RAB11B: variants seen among roughly 807,000 people sequenced by gnomAD.
RAB11B encodes RAB11B, member RAS oncogene family.
In RAB11B, 7 loss-of-function variants were observed where a neutral mutation model predicts 23.7. The ratio of observed to expected loss-of-function variants is 0.29; its 90% confidence interval spans 0.17 to 0.55. The LOEUF is 0.55. Ranked by LOEUF, RAB11B falls within the 20% of genes least tolerant of loss-of-function variation. The pLI, the probability that RAB11B is intolerant of heterozygous loss-of-function variation, is 0.93. For missense variants in RAB11B, 189 were observed against 320.0 expected, an observed-to-expected ratio of 0.59 and a Z score of 3.12; for synonymous variants, 138 against 132.0, an observed-to-expected ratio of 1.05 and a Z score of -0.31.
chr19:8,402,652 TGC>T (rs376443505), intron 4 of RAB11B, 87 bp downstream of exon 4: 1 of 986,142 alleles, frequency 1.0e-6, no homozygotes, highest in Non-Finnish European at 1.6e-6. Context: ...TTTGTTCGTT[TGC>T]TTGTTTTTTT....
In RAB11B at chr19:8,392,685, C is replaced by CTTTTTTT. The variant is rs74176644; in HGVS notation, c.40+2245_40+2251dup. On this transcript the variant is annotated intron_variant, in intron 1 of 4. Coordinates refer to ENST00000328024, the MANE Select transcript of RAB11B (RefSeq NM_004218.4). ...ATATTTTTCTTTTCCTTTTTCTTTT[C>CTTTTTTT]TTTTTTTTTTTTTTTTTTTTTTGAG... 2.4e-3 allele frequency among the ~76,000 whole-genome samples: 189 copies of CTTTTTTT among 79,652 alleles called. 1 individual carries two copies. Among genetic ancestry groups the CTTTTTTT allele is most frequent in the South Asian group, 3.5e-3 (7 of 2,008 alleles). 52.3% of individuals were successfully genotyped at this position (79,652 alleles called of 152,430 possible).
chr19:8,392,206 A>G (rs1301127317), intron 1 of RAB11B, among the ~76,000 whole-genome samples: 2 of 151,730 alleles, frequency 1.3e-5, no homozygotes, highest in African/African-American at 4.8e-5. Flanking sequence ...TGCCCCATCC[A>G]GGTTTCTGTG....
chr19:8,401,067 ATTAAT>A (rs1399918392), intron 2 of RAB11B, among the ~76,000 whole-genome samples: 8 of 150,312 alleles, frequency 5.3e-5, no homozygotes, highest in Admixed American at 3.3e-4. Flanking sequence ...AATTTAATTA[ATTAAT>A]TTATTTATTT....
chr19:8,392,975 C>T (rs1271851202), intron 1 of RAB11B, among the ~76,000 whole-genome samples: 3 of 146,736 alleles, frequency 2.0e-5, no homozygotes, highest in South Asian at 2.2e-4. Context: ...CATGAGCCAC[C>T]GTGCCTGGCC....
chr19:8,402,293 G>A lies in RAB11B; in HGVS notation c.430+14G>A. On this transcript the variant is annotated intron_variant, in intron 3 of 4. Transcript: ENST00000328024. ...GCGCCTTCGCAGGTGAGCAGACGGAGACGCAGGCATCAGAGAGGTGTCTGG... is the reference window on the plus strand; with the variant it reads ...GCGCCTTCGCAGGTGAGCAGACGGAAACGCAGGCATCAGAGAGGTGTCTGG... The A allele has an allele frequency of 1.9e-6, 3 of 1,548,280 alleles. No homozygotes were observed. The South Asian group carries it at 3.5e-5, about 18-fold the overall frequency.
At chr19:8,395,931 C>A (rs1256586598) in intron 1 of RAB11B, among the ~76,000 whole-genome samples, 1 of 152,198 alleles carries the variant, frequency 6.6e-6, no homozygotes, top group Non-Finnish European at 1.5e-5. Flanking sequence ...GCCTGGCTCA[C>A]TTCCCAGGCG....
chr19:8,392,681 T>G (rs1189806913), intron 1 of RAB11B, among the ~76,000 whole-genome samples: 1 of 101,652 alleles, frequency 9.8e-6, no homozygotes, highest in African/African-American at 3.8e-5. Context: ...TTCCTTTTTC[T>G]TTTCTTTTTT....
chr19:8,393,200 G>C (rs1409705740), intron 1 of RAB11B, among the ~76,000 whole-genome samples: 1 of 152,086 alleles, frequency 6.6e-6, no homozygotes, highest in African/African-American at 2.4e-5. Flanking sequence ...TTAGCCATGG[G>C]CCATTTTCAT....
At position 8,399,984 on chromosome 19, in the gene RAB11B, G is replaced by A. The variant is rs760153019; in HGVS notation, c.162G>A (p.Gln54=). The A allele has an allele frequency of 2.5e-6, 4 of 1,614,216 alleles. No homozygotes were observed. Among genetic ancestry groups the A allele is most frequent in the Non-Finnish European group, 3.4e-6 (4 of 1,180,022 alleles). The change falls in exon 2 of 5, where the codon CAG becomes CAA. Residue 54 remains glutamine (Q), a synonymous_variant. Coordinates refer to ENST00000328024, the MANE Select transcript of RAB11B (RefSeq NM_004218.4). The stretch of plus-strand genomic sequence containing the variant: ...TGGAGTTCGCCACCCGCAGCATCCA[G>A]GTGGACGGCAAGACCATCAAGGCGC... The part of the protein sequence containing the change: ...IGVEFATRSI[Q]VDGKTIKAQI...
At chr19:8,397,345 G>A (rs1283987518) in intron 1 of RAB11B, among the ~76,000 whole-genome samples, 1 of 152,122 alleles carries the variant, frequency 6.6e-6, no homozygotes. Context: ...GACTGGGTGT[G>A]GACAGAGATG....
chr19:8,402,395 T>C, intron 3 of RAB11B, 90 bp from the exon 4 acceptor site: 1 of 1,549,010 alleles, frequency 6.5e-7, no homozygotes, highest in Non-Finnish European at 8.8e-7. Flanking sequence ...GGCCTTGGGA[T>C]GGGCCAGGTG....
At chr19:8,400,392 A>T in intron 2 of RAB11B, 1 of 352,832 alleles carries the variant, frequency 2.8e-6, no homozygotes, top group Non-Finnish European at 5.4e-6. Flanking sequence ...ACCTGGTCCC[A>T]CACGCCTCCT....
rs1342650519 is a variant in RAB11B at position 8,399,998 on chromosome 19, C to A, written c.176C>A (p.Thr59Asn). The A allele has an allele frequency of 6.2e-7, 1 of 1,614,198 alleles. No individual in the cohort carries two copies. The highest frequency in any genetic ancestry group is 1.7e-5 in the Admixed American group (1 of 60,032). Residue 59 changes from threonine (T) to asparagine (N), a missense_variant, in exon 2 of 5, where the codon ACC becomes AAC. Coordinates refer to ENST00000328024, the MANE Select transcript of RAB11B (RefSeq NM_004218.4). The stretch of plus-strand genomic sequence containing the variant: ...CGCAGCATCCAGGTGGACGGCAAGA[C>A]CATCAAGGCGCAGATCTGGGACACC... ...ATRSIQVDGK[T>N]IKAQIWDTAG...
chr19:8,402,878 A>T, intron 4 of RAB11B: 2 of 506,014 alleles, frequency 4.0e-6, no homozygotes, highest in South Asian at 5.2e-5. Flanking sequence ...GTCCAGGTTG[A>T]TCTCGAACTC....
chr19:8,404,118 T>TC lies in RAB11B; in HGVS notation c.*564dup, dbSNP rs1971461605. On this transcript the variant is annotated 3_prime_UTR_variant, in exon 5 of 5. Coordinates refer to ENST00000328024, the MANE Select transcript of RAB11B (RefSeq NM_004218.4). Reference sequence around the variant, plus strand: ...GCAGGGAGAAGCCCGTCCCCCCCTCTCCCCTCTCCCCTCCCCTCTCCTGCA... The same window carrying TC: ...GCAGGGAGAAGCCCGTCCCCCCCTCTCCCCCTCTCCCCTCCCCTCTCCTGCA... The TC allele has an allele frequency of 8.2e-6, 1 of 121,356 alleles. No homozygotes were observed. The highest frequency in any genetic ancestry group is 2.6e-4 in the East Asian group (1 of 3,912). 7.5% of individuals were successfully genotyped at this position (121,356 alleles called of 1,614,324 possible).
At chr19:8,394,001 G>A (rs529200420) in intron 1 of RAB11B, among the ~76,000 whole-genome samples, 30 of 152,334 alleles carry the variant, frequency 2.0e-4, no homozygotes, top group Admixed American at 5.2e-4. Flanking sequence ...GGAAATGCTC[G>A]GAGCTGTGTC....
In RAB11B at chr19:8,390,365, G is replaced by A; in HGVS notation, c.-52G>A. On this transcript the variant is annotated 5_prime_UTR_variant, in exon 1 of 5. It adds an upstream start codon to the 5' untranslated region. Transcript: ENST00000328024. ...GCGGCGCCGGCTCCGCCCCCGTCGG[G>A]TGTTTGTGGTGGGGCTGCGGAGTCG... The A allele has an allele frequency of 6.7e-7, 1 of 1,501,238 alleles. No individual in the cohort carries two copies. The highest frequency in any genetic ancestry group is 8.9e-7 in the Non-Finnish European group (1 of 1,127,034). The allele number at this position is 1,501,238 out of a possible 1,614,324, so 93.0% of individuals were successfully genotyped here.
intron 3 of RAB11B, 59 bp from the exon 4 acceptor site, chr19:8,402,426 G>C: frequency 6.4e-7 from 1 of 1,573,814 alleles, no homozygotes; most frequent in Non-Finnish European, 8.7e-7. Flanking sequence ...GTCCCTGAGA[G>C]CATGTGGGAG....
In RAB11B at chr19:8,403,662, C is replaced by A. The variant is rs1045174039; in HGVS notation, c.*104C>A. 3 of 1,473,986 alleles carry A rather than the reference C, an allele frequency of 2.0e-6. No homozygotes were observed. The highest frequency in any genetic ancestry group is 2.8e-5 in the African/African-American group (2 of 71,978). 91.3% of individuals were successfully genotyped at this position (1,473,986 alleles called of 1,614,324 possible). A position where few individuals can be genotyped will look rare whatever the true frequency, so the allele number is the denominator to read the frequency against. On this transcript the variant is annotated 3_prime_UTR_variant, in exon 5 of 5. Coordinates refer to ENST00000328024, the MANE Select transcript of RAB11B (RefSeq NM_004218.4). ...CCCTCTGTGGCCGGCTCGTTCCAGC[C>A]CTCCCAGTGAGCTCTGCACGGCCGG... is the stretch of plus-strand genomic sequence containing the variant.
Sources: allele counts gnomAD v4.1 joint callset (sites outside exome capture counted in the v4.1 genomes callset), GRCh38; gene constraint gnomAD v4.1.1; transcripts MANE v1.5; gene names NCBI Gene and HGNC (gene_info 2026-07-23, HGNC 2026-07-21).